STAT4: variants seen among roughly 807,000 people sequenced by gnomAD.
The protein encoded by STAT4 is signal transducer and activator of transcription 4.
In STAT4, 42 loss-of-function variants were observed where a neutral mutation model predicts 110.5. The ratio of observed to expected loss-of-function variants is 0.38; its 90% CI spans 0.30 to 0.49. The LOEUF (loss-of-function observed/expected upper bound fraction) is 0.49. Among genes scored for constraint, STAT4 ranks in the 20% least tolerant of loss-of-function variants. STAT4 has a pLI of 0.95. For synonymous variants in STAT4, 284 were observed against 302.2 expected (o/e 0.94, Z 0.63); for missense variants, 632 against 887.9 (o/e 0.71, Z 3.66).
chr2:191,082,737 T>C lies in STAT4; in HGVS notation c.274-6412A>G, dbSNP rs903135929. 2.6e-5 allele frequency among the ~76,000 whole-genome samples: 4 copies of C among 152,196 alleles called. No individual in the cohort carries two copies. The highest frequency in any genetic ancestry group is 2.0e-4 in the Admixed American group (3 of 15,274). Reference sequence around the variant, plus strand: ...TAAAGAGTAACTAGTTCATCTGCTCTTTTTCTTCCAAATGGTCCAAGAAGT... The same window carrying C: ...TAAAGAGTAACTAGTTCATCTGCTCCTTTTCTTCCAAATGGTCCAAGAAGT... On this transcript the variant is annotated intron_variant, in intron 3 of 23. Coordinates refer to ENST00000392320, the MANE Select transcript of STAT4 (RefSeq NM_003151.4). The surrounding 1 kb of genome is among the most constrained non-coding windows in gnomAD (Gnocchi z 4.7).
intron 8 of STAT4, among the ~76,000 whole-genome samples, chr2:191,063,637 T>G (rs530137599): frequency 6.8e-6 from 1 of 148,068 alleles, no homozygotes; most frequent in African/African-American, 2.7e-5. Flanking sequence ...CGCCATACAG[T>G]AACTCTTTCT....
rs987086296 is a variant in STAT4 at position 191,062,600 on chromosome 2, A to G, written c.941+162T>C. Among the ~76,000 whole-genome samples the G allele has an allele frequency of 1.3e-5, 2 of 152,212 alleles. No homozygotes were observed. Among genetic ancestry groups the G allele is most frequent in the Non-Finnish European group, 2.9e-5 (2 of 68,032 alleles). Reference sequence around the variant, plus strand: ...AAGTGTTGATGAATAAATAGTGAAGAGTAGAAATGTGGTTTCTAAAACTTT... The same window carrying G: ...AAGTGTTGATGAATAAATAGTGAAGGGTAGAAATGTGGTTTCTAAAACTTT... On this transcript the variant is annotated intron_variant, in intron 9 of 23. Coordinates refer to ENST00000392320, the MANE Select transcript of STAT4 (RefSeq NM_003151.4). This position sits in a 1 kb window ranked among gnomAD's most constrained non-coding sequence, Gnocchi z 4.9.
At chr2:191,109,525 A>T (rs188896629) in intron 3 of STAT4, among the ~76,000 whole-genome samples, 47 of 152,306 alleles carry the variant, frequency 3.1e-4, no homozygotes, top group Middle Eastern at 3.4e-3. Flanking sequence ...ACCAGTTCAC[A>T]CACGGGAAAA....
In STAT4 at chr2:191,131,588, A is replaced by C. The variant is rs115606185; in HGVS notation, c.273+15025T>G. On this transcript the variant is annotated intron_variant, in intron 3 of 23. Transcript: ENST00000392320. ...AAAAGAAAAAAAATGACAAATGCAAATTTTGGGTCAGTGGTTGCTCCAGGC... is the reference window on the plus strand; with the variant it reads ...AAAAGAAAAAAAATGACAAATGCAACTTTTGGGTCAGTGGTTGCTCCAGGC... 1,646 of 384,112 alleles carry C rather than the reference A, an allele frequency of 4.3e-3. 84 individuals are homozygous for C. Among genetic ancestry groups the C allele is most frequent in the African/African-American group, 0.032 (1,532 of 47,570 alleles). 23.8% of individuals were successfully genotyped at this position (384,112 alleles called of 1,614,324 possible).
At position 191,058,117 on chromosome 2, in the gene STAT4, G is replaced by A; in HGVS notation, c.1113-6C>T. 1 of 1,613,842 alleles carries A rather than the reference G, an allele frequency of 6.2e-7. No individual in the cohort carries two copies. Among genetic ancestry groups the A allele is most frequent in the Non-Finnish European group, 8.5e-7 (1 of 1,179,818 alleles). On this transcript the variant is annotated splice_region_variant and splice_polypyrimidine_tract_variant and intron_variant, in intron 12 of 23. Coordinates refer to ENST00000392320, the MANE Select transcript of STAT4 (RefSeq NM_003151.4). This position sits in a 1 kb window ranked among gnomAD's most constrained non-coding sequence, Gnocchi z 4.3. Reference sequence around the variant, plus strand: ...AAAGTACAAATCTTCGGTTGCTGGAGAGGAAATCTTAGCTATTTACATGGT... The same window carrying A: ...AAAGTACAAATCTTCGGTTGCTGGAAAGGAAATCTTAGCTATTTACATGGT...
In STAT4 at chr2:191,061,866, A is replaced by G; in HGVS notation, c.942-45T>C. The G allele has an allele frequency of 6.4e-7, 1 of 1,566,534 alleles. No homozygotes were observed. The highest frequency in any genetic ancestry group is 8.8e-7 in the Non-Finnish European group (1 of 1,141,370). ...AGCGCATCATTTGAAAACACTGAAA[A>G]TATTGAGACTGAAAACCACAGAGGA... On this transcript the variant is annotated intron_variant, in intron 9 of 23. Coordinates refer to ENST00000392320, the MANE Select transcript of STAT4 (RefSeq NM_003151.4). This position sits in a 1 kb window ranked among gnomAD's most constrained non-coding sequence, Gnocchi z 6.2.
rs1455723336 is a variant in STAT4 at position 191,135,195 on chromosome 2, T to C, written c.273+11418A>G. ...AAAAAAGAGAGATGACCCAAATAAA[T>C]AAAATCAGAAATGAAAAAGGAGACA... On this transcript the variant is annotated intron_variant, in intron 3 of 23. Transcript: ENST00000392320. The surrounding 1 kb of genome is among the most constrained non-coding windows in gnomAD (Gnocchi z 4.8). 6.6e-6 allele frequency among the ~76,000 whole-genome samples: 1 copy of C among 151,642 alleles called. No individual in the cohort carries two copies. Among genetic ancestry groups the C allele is most frequent in the Non-Finnish European group, 1.5e-5 (1 of 67,914 alleles).
chr2:191,083,204 C>T lies in STAT4; in HGVS notation c.274-6879G>A, dbSNP rs1697536939. On this transcript the variant is annotated intron_variant, in intron 3 of 23. Coordinates refer to ENST00000392320, the MANE Select transcript of STAT4 (RefSeq NM_003151.4). The surrounding 1 kb of genome is among the most constrained non-coding windows in gnomAD (Gnocchi z 4.6). ...AAGTGGGAGTTGGTCCCACAAAACA[C>T]TGTTATGGGAGTGGGCAAGTGAGAC... Among the ~76,000 whole-genome samples the T allele has an allele frequency of 6.6e-6, 1 of 152,096 alleles. No homozygotes were observed. Among genetic ancestry groups the T allele is most frequent in the South Asian group, 2.1e-4 (1 of 4,824 alleles).
intron 6 of STAT4, 33 bp downstream of exon 6, chr2:191,069,660 C>T (rs1200855261): frequency 6.5e-7 from 1 of 1,530,758 alleles, no homozygotes; most frequent in Non-Finnish European, 9.0e-7. Context: ...CTTTTTGTCT[C>T]TATGCATAAT....
At position 191,066,767 on chromosome 2, in the gene STAT4, T is replaced by C. The variant is rs1696999883; in HGVS notation, c.545-252A>G. Reference sequence around the variant, plus strand: ...ATTCTGCACTGGGTGTTTTGTTTTGTTTTGTTTTGGTGGTGGTGGACAGAG... The same window carrying C: ...ATTCTGCACTGGGTGTTTTGTTTTGCTTTGTTTTGGTGGTGGTGGACAGAG... On this transcript the variant is annotated intron_variant, in intron 6 of 23. Coordinates refer to ENST00000392320, the MANE Select transcript of STAT4 (RefSeq NM_003151.4). This position sits in a 1 kb window ranked among gnomAD's most constrained non-coding sequence, Gnocchi z 4.3. 6.6e-6 allele frequency among the ~76,000 whole-genome samples: 1 copy of C among 152,178 alleles called. No individual in the cohort carries two copies. The highest frequency in any genetic ancestry group is 6.5e-5 in the Admixed American group (1 of 15,268).
rs1696768719 is a variant in STAT4 at position 191,058,648 on chromosome 2, C to T, written c.1094+62G>A. 1.1e-5 allele frequency: 10 copies of T among 933,244 alleles called. No homozygotes were observed. Among genetic ancestry groups the T allele is most frequent in the African/African-American group, 1.7e-5 (1 of 59,410 alleles). 57.8% of individuals were successfully genotyped at this position (933,244 alleles called of 1,614,324 possible). On this transcript the variant is annotated intron_variant, in intron 11 of 23. Coordinates refer to ENST00000392320, the MANE Select transcript of STAT4 (RefSeq NM_003151.4). The surrounding 1 kb of genome is among the most constrained non-coding windows in gnomAD (Gnocchi z 4.3). ...TCAAAATTATTCTATAAAATAAAGG[C>T]CATTCATTTTTAAAAGTCTTACATT...
intron 5 of STAT4, among the ~76,000 whole-genome samples, chr2:191,071,094 G>A (rs899692380): frequency 6.6e-6 from 1 of 152,126 alleles, no homozygotes; most frequent in African/African-American, 2.4e-5. Context: ...CTACCCACCC[G>A]TAGTAATAAC....
intron 3 of STAT4, among the ~76,000 whole-genome samples, chr2:191,127,937 A>G (rs1302773223): frequency 6.6e-6 from 1 of 152,206 alleles, no homozygotes; most frequent in Non-Finnish European, 1.5e-5. Context: ...CTCACGAATG[A>G]AATTTCAGGT....
At chr2:191,044,231 A>G (rs1316834925) in intron 14 of STAT4, among the ~76,000 whole-genome samples, 1 of 152,254 alleles carries the variant, frequency 6.6e-6, no homozygotes, top group Non-Finnish European at 1.5e-5. Context: ...GGCTGGCACA[A>G]TAAATAAATG....
chr2:191,105,395 A>G (rs1326165025), intron 3 of STAT4, among the ~76,000 whole-genome samples: 1 of 152,236 alleles, frequency 6.6e-6, no homozygotes, highest in East Asian at 1.9e-4. Flanking sequence ...TGACACATAC[A>G]GTATGCAACC....
At position 191,138,165 on chromosome 2, in the gene STAT4, A is replaced by G. The variant is rs1699231118; in HGVS notation, c.273+8448T>C. Among the ~76,000 whole-genome samples the G allele has an allele frequency of 6.6e-6, 1 of 152,178 alleles. No homozygotes were observed. The highest frequency in any genetic ancestry group is 1.5e-5 in the Non-Finnish European group (1 of 68,036). On this transcript the variant is annotated intron_variant, in intron 3 of 23. Transcript: ENST00000392320. This position sits in a 1 kb window ranked among gnomAD's most constrained non-coding sequence, Gnocchi z 4.3. ...AGGAACTCAAACTATTCAACAGTAA[A>G]AACCAAATAATCCCATTAAAAAGTG...
chr2:191,141,540 GATAT>G (rs57853934), intron 3 of STAT4, among the ~76,000 whole-genome samples: 1 of 143,642 alleles, frequency 7.0e-6, no homozygotes, highest in Non-Finnish European at 1.5e-5. Flanking sequence ...ATACATATAT[GATAT>G]ATATATTTTT....
intron 3 of STAT4, among the ~76,000 whole-genome samples, chr2:191,119,820 G>A (rs987270479): frequency 2.0e-5 from 3 of 152,094 alleles, no homozygotes; most frequent in Non-Finnish European, 2.9e-5. Flanking sequence ...TGCAGGGAGA[G>A]ACAAATAGAC....
intron 3 of STAT4, among the ~76,000 whole-genome samples, chr2:191,084,991 C>T (rs751770910): frequency 1.2e-4 from 18 of 150,968 alleles, no homozygotes; most frequent in Admixed American, 3.3e-4. Context: ...GTTTTTCTCT[C>T]GAACAAGATT....
Sources: allele counts gnomAD v4.1 joint callset (sites outside exome capture counted in the v4.1 genomes callset), GRCh38; gene constraint gnomAD v4.1.1; non-coding constraint Gnocchi (gnomAD v3.1); transcripts MANE v1.5; gene names NCBI Gene and HGNC (gene_info 2026-07-23, HGNC 2026-07-21).